Variants in EVA1A observed in about 807,000 individuals in gnomAD.
EVA1A encodes the protein eva-1 homolog A, regulator of programmed cell death, also known as protein eva-1 homolog A.
EVA1A carries 7 observed loss-of-function variants against 9.8 expected under a neutral mutation model. The observed-to-expected ratio is 0.71, with a 90% CI of 0.41 to 1.34. The LOEUF (loss-of-function observed/expected upper bound fraction) is 1.34. Ranked by LOEUF, EVA1A falls within the 40% of genes most tolerant of loss-of-function variation. The pLI is 0.01. For synonymous variants in EVA1A, 90 were observed against 85.6 expected (o/e 1.05, Z -0.28); for missense variants, 206 against 205.9 (o/e 1.00, Z 0.00).
rs935440052 is a variant in EVA1A, at chr2:75,493,566, G to A, written c.129C>T (p.Cys43=). Residue 43 remains cysteine (C), a synonymous_variant, in exon 4 of 4, where the codon TGC becomes TGT. Coordinates refer to ENST00000393913, the MANE Select transcript of EVA1A (RefSeq NM_001135032.2). ...CAGCCAGGGTCAGCACCAGCCCGAT[G>A]CACACGCCAGAAACAAAGTACAGAG... ...RAALYFVSGV[C]IGLVLTLAAL... is the part of the protein sequence containing the mutation. 11 of 1,613,320 alleles carry A rather than the reference G, an allele frequency of 6.8e-6. No individual in the cohort carries two copies. Among genetic ancestry groups the A allele is most frequent in the Non-Finnish European group, 9.3e-6 (11 of 1,179,608 alleles).
chr2:75,551,724 T>C (rs536769461), intron 1 of EVA1A, among the ~76,000 whole-genome samples: 3 of 152,368 alleles, frequency 2.0e-5, no homozygotes, highest in Non-Finnish European at 4.4e-5. Context: ...AAAACAATAG[T>C]AGTCCTTCCT....
At chr2:75,493,991 G>C (rs1240757783) in intron 3 of EVA1A, among the ~76,000 whole-genome samples, 1 of 152,154 alleles carries the variant, frequency 6.6e-6, no homozygotes, top group Non-Finnish European at 1.5e-5. Flanking sequence ...CTTTACTTGA[G>C]AATTTGCTCA....
intron 3 of EVA1A, among the ~76,000 whole-genome samples, chr2:75,512,821 A>T (rs1674864577): frequency 6.6e-6 from 1 of 152,222 alleles, no homozygotes; most frequent in African/African-American, 2.4e-5. Context: ...TGCCAGTAGC[A>T]GCCTGCACTT....
intron 1 of EVA1A, among the ~76,000 whole-genome samples, chr2:75,527,315 C>T (rs954414063): frequency 6.6e-6 from 1 of 152,204 alleles, no homozygotes; most frequent in Non-Finnish European, 1.5e-5. Context: ...ATGAGACTTT[C>T]ATCTGAGATT....
intron 3 of EVA1A, among the ~76,000 whole-genome samples, chr2:75,510,678 T>C (rs1674779021): frequency 6.6e-6 from 1 of 152,110 alleles, no homozygotes; most frequent in Non-Finnish European, 1.5e-5. Flanking sequence ...AATATTACTA[T>C]AAGCAAAGTC....
upstream of EVA1A, among the ~76,000 whole-genome samples, chr2:75,565,153 G>T (rs1381691418): frequency 6.6e-6 from 1 of 152,190 alleles, no homozygotes; most frequent in East Asian, 1.9e-4. Context: ...CCTTCACAGA[G>T]AACTGTCCTA....
In EVA1A at chr2:75,493,186, C is replaced by T. The variant is rs775297464; in HGVS notation, c.*50G>A. ...TCCTTGTGCCCACTGTCCCTGCAGACGCTCTCCTTTCCAGGCGGCCTCCAG... is the reference window on the plus strand; with the variant it reads ...TCCTTGTGCCCACTGTCCCTGCAGATGCTCTCCTTTCCAGGCGGCCTCCAG... On this transcript the variant is annotated 3_prime_UTR_variant, in exon 4 of 4. Coordinates refer to ENST00000393913, the MANE Select transcript of EVA1A (RefSeq NM_001135032.2). 2.1e-5 allele frequency: 32 copies of T among 1,559,402 alleles called. No homozygotes were observed. The South Asian group carries it at 2.8e-4, about 14-fold the overall frequency.
intron 1 of EVA1A, among the ~76,000 whole-genome samples, chr2:75,544,521 T>C (rs1211820555): frequency 2.6e-5 from 4 of 152,330 alleles, no homozygotes; most frequent in Non-Finnish European, 5.9e-5. Context: ...ATGATGAAAC[T>C]GACAACTGAA....
intron 1 of EVA1A, among the ~76,000 whole-genome samples, chr2:75,536,300 A>T (rs13025053): frequency 6.6e-6 from 1 of 152,294 alleles, no homozygotes; most frequent in African/African-American, 2.4e-5. Context: ...ACGCCACTGC[A>T]CTCCAGCCTG....
intron 1 of EVA1A, among the ~76,000 whole-genome samples, chr2:75,528,217 A>C (rs1675521173): frequency 6.6e-6 from 1 of 152,166 alleles, no homozygotes; most frequent in South Asian, 2.1e-4. Context: ...GAACTTTGTA[A>C]TAATTTTGAT....
rs1355500650 is a variant in EVA1A at position 75,493,125 on chromosome 2, C to G, written c.*111G>C. The G allele has an allele frequency of 1.4e-6, 2 of 1,451,476 alleles. No homozygotes were observed. The highest frequency in any genetic ancestry group is 2.8e-5 in the African/African-American group (2 of 70,382). The allele number at this position is 1,451,476 out of a possible 1,614,324, so 89.9% of individuals were successfully genotyped here. On this transcript the variant is annotated 3_prime_UTR_variant, in exon 4 of 4. Transcript: ENST00000393913. ...AGAAAAGGGGCATGTCCTGCTTTTTCTCTGAAATCACAATATTAGCAGAGC... is the reference window on the plus strand; with the variant it reads ...AGAAAAGGGGCATGTCCTGCTTTTTGTCTGAAATCACAATATTAGCAGAGC...
intron 1 of EVA1A, among the ~76,000 whole-genome samples, chr2:75,525,210 ATCTC>A (rs1397852479): frequency 2.6e-5 from 4 of 151,790 alleles, no homozygotes; most frequent in African/African-American, 7.3e-5. Flanking sequence ...CACTATCTCA[ATCTC>A]TCTATCTTTT....
upstream of EVA1A, among the ~76,000 whole-genome samples, chr2:75,563,815 C>G (rs1216275668): frequency 6.6e-6 from 1 of 152,142 alleles, no homozygotes; most frequent in Non-Finnish European, 1.5e-5. Context: ...ATTTTCCTAC[C>G]CACAAAATAA....
Position 75,533,295 on chromosome 2 carries a change from T to C in EVA1A, c.-191-10808A>G, listed in dbSNP as rs574680951. The stretch of plus-strand genomic sequence containing the variant: ...ACAGAGGATGTTTCATTGGAAACCA[T>C]GGAAGTCAAAAGGCAGTAAGTAGCA... On this transcript the variant is annotated intron_variant, in intron 1 of 3. Transcript: ENST00000393913. Among the ~76,000 whole-genome samples, 4 of 152,158 alleles carry C rather than the reference T, an allele frequency of 2.6e-5. No individual in the cohort carries two copies. The East Asian group carries it at 5.8e-4, about 22-fold the overall frequency.
At chr2:75,563,712 C>T (rs1228785039), upstream of EVA1A, among the ~76,000 whole-genome samples, 5 of 152,204 alleles carry the variant, frequency 3.3e-5, no homozygotes, top group African/African-American at 1.2e-4. Flanking sequence ...TGTCTACCAC[C>T]TCTGCCCACC....
In EVA1A at chr2:75,493,455, G is replaced by A. The variant is rs1259445640; in HGVS notation, c.240C>T (p.Asp80=). Residue 80 remains aspartate, a synonymous_variant, in exon 4 of 4, where the codon GAC becomes GAT. Coordinates refer to ENST00000393913, the MANE Select transcript of EVA1A (RefSeq NM_001135032.2). The part of the protein sequence containing the change: ...KFLQDRESSS[D]SSDSEDGSED... ...CACTGCCATCCTCGCTGTCGCTGCT[G>A]TCGCTGCTGCTCTCTCTGTCCTGCA... 4 of 1,613,904 alleles carry A rather than the reference G, an allele frequency of 2.5e-6. No homozygotes were observed. The highest frequency in any genetic ancestry group is 1.1e-5 in the South Asian group (1 of 91,068).
chr2:75,551,207 C>G (rs2103969159), intron 1 of EVA1A, among the ~76,000 whole-genome samples: 1 of 152,318 alleles, frequency 6.6e-6, no homozygotes. Context: ...CCTAATACCT[C>G]TAGCTGCTGT....
chr2:75,505,753 G>A (rs2103802745), intron 3 of EVA1A, among the ~76,000 whole-genome samples: 1 of 152,134 alleles, frequency 6.6e-6, no homozygotes, highest in Middle Eastern at 3.4e-3. Context: ...GGCAGAGGTT[G>A]CAGTGAGCCG....
intron 2 of EVA1A, among the ~76,000 whole-genome samples, chr2:75,520,193 C>A (rs1310984453): frequency 6.6e-6 from 1 of 152,144 alleles, no homozygotes; most frequent in East Asian, 1.9e-4. Context: ...AGCTCTTTCA[C>A]CTCTTCATGC....
Sources: allele counts gnomAD v4.1 joint callset (sites outside exome capture counted in the v4.1 genomes callset), GRCh38; gene constraint gnomAD v4.1.1; transcripts MANE v1.5; gene names NCBI Gene and HGNC (gene_info 2026-07-23, HGNC 2026-07-21).